The following SACS variants were observed in gnomAD, a reference collection of about 807,000 sequenced individuals.
SACS encodes sacsin molecular chaperone.
In SACS, 197 loss-of-function variants were observed where a neutral mutation model predicts 348.0. The observed-to-expected ratio is 0.57, with a 90% CI of 0.50 to 0.64. SACS has a LOEUF of 0.64. Among genes scored for constraint, SACS ranks in the 30% least tolerant of loss-of-function variants. The pLI, the probability that SACS is intolerant of heterozygous loss-of-function variation, is 0.00. For missense variants in SACS, 4,999 were observed against 5,360.8 expected, an observed-to-expected ratio of 0.93 and a Z score of 2.11; for synonymous variants, 1,985 against 1,910.6, an observed-to-expected ratio of 1.04 and a Z score of -1.02.
intron 2 of SACS, 99 bp from the exon 3 acceptor site, chr13:23,375,368 C>T: frequency 7.9e-7 from 1 of 1,258,574 alleles, no homozygotes; most frequent in Non-Finnish European, 1.0e-6. Context: ...CACATCGCGG[C>T]GCGGCAGGCG....
rs754572049 is a variant in SACS, at chr13:23,337,887, A to T, written c.5989T>A (p.Ser1997Thr). The change falls in exon 10 of 10, where the codon TCT becomes ACT. Residue 1997 changes from serine to threonine, a missense_variant. By Grantham distance (58) the Ser-to-Thr change is moderately conservative. Coordinates refer to ENST00000382292, the MANE Select transcript of SACS (RefSeq NM_014363.6). ...CCAACATCTCTTCTTTTAAGTATAGAGTCATCTAGAAATCTTACGTTCTTC... is the reference window on the plus strand; with the variant it reads ...CCAACATCTCTTCTTTTAAGTATAGTGTCATCTAGAAATCTTACGTTCTTC... ...SMKNVRFLDD[S>T]ILKRRDVGSA... 1.9e-6 allele frequency: 3 copies of T among 1,613,898 alleles called. No individual in the cohort carries two copies. The South Asian group carries it at 3.3e-5, about 18-fold the overall frequency.
Position 23,385,427 on chromosome 13 carries a change from C to T in SACS, c.21-10158G>A, listed in dbSNP as rs113245181. 4.8e-3 allele frequency among the ~76,000 whole-genome samples: 722 copies of T among 151,384 alleles called. 9 individuals are homozygous for T. The highest frequency in any genetic ancestry group is 0.016 in the African/African-American group (666 of 41,228). On this transcript the variant is annotated intron_variant, in intron 2 of 9. Coordinates refer to ENST00000382292, the MANE Select transcript of SACS (RefSeq NM_014363.6). ...CAGGCTGGAGTGCAAGGGTGTGATC[C>T]TGGCTCACTGCAACTTCCGCTTCCT...
chr13:23,407,770 G>A (rs978473980), intron 2 of SACS, among the ~76,000 whole-genome samples: 37 of 152,122 alleles, frequency 2.4e-4, no homozygotes, highest in African/African-American at 8.7e-4. Flanking sequence ...TCCTGCCTTT[G>A]ACCTGCCTAG....
Position 23,338,288 on chromosome 13 carries a change from A to G in SACS, c.5588T>C (p.Val1863Ala). 1.2e-6 allele frequency: 2 copies of G among 1,614,150 alleles called. No individual in the cohort carries two copies. The highest frequency in any genetic ancestry group is 1.7e-6 in the Non-Finnish European group (2 of 1,180,000). ...AAACACCTCTCCAATGTGTGGTTTCACTGTCCACTTCTGGTCCTGGATTTC... is the reference window on the plus strand; with the variant it reads ...AAACACCTCTCCAATGTGTGGTTTCGCTGTCCACTTCTGGTCCTGGATTTC... The part of the protein sequence containing the change: ...LSEIQDQKWT[V>A]KPHIGEVFCY... The change falls in exon 10 of 10, where the codon GTG (valine) becomes GCG (alanine). Residue 1863 changes from valine to alanine, a missense_variant. This residue lies in a region of SACS where 3,156 missense variants were observed against 3,380.1 expected (regional missense o/e 0.93). Transcript: ENST00000382292.
chr13:23,411,206 A>G lies in SACS; in HGVS notation c.20+14T>C, dbSNP rs1873465494. On this transcript the variant is annotated intron_variant, in intron 2 of 9. Transcript: ENST00000382292. ...AATGCAAATTATTGTCATTTAAAAC[A>G]TTAACTCATTTACCTGTTCTCCTTG... The G allele has an allele frequency of 6.3e-7, 1 of 1,599,700 alleles. No homozygotes were observed. Among genetic ancestry groups the G allele is most frequent in the Admixed American group, 1.7e-5 (1 of 59,952 alleles).
chr13:23,422,710 G>A (rs1874004270), intron 1 of SACS, among the ~76,000 whole-genome samples: 1 of 151,334 alleles, frequency 6.6e-6, no homozygotes, highest in African/African-American at 2.4e-5. Context: ...CCAGGCTGGA[G>A]TGCAGTGGCA....
chr13:23,364,839 C>T (rs758968314), intron 6 of SACS, among the ~76,000 whole-genome samples: 16 of 152,148 alleles, frequency 1.1e-4, no homozygotes, highest in Non-Finnish European at 1.5e-4. Flanking sequence ...AACATCTTTC[C>T]AAATGCAGGA....
At position 23,353,811 on chromosome 13, in the gene SACS, G is replaced by A. The variant is rs1424253383; in HGVS notation, c.2159C>T (p.Ala720Val). The change falls in exon 9 of 10, where the codon GCT becomes GTT. Residue 720 changes from alanine (A) to valine (V), a missense_variant. Ala to Val is a moderately conservative substitution (Grantham distance 64). This residue lies in a region of SACS where 3,156 missense variants were observed against 3,380.1 expected (regional missense o/e 0.93). Coordinates refer to ENST00000382292, the MANE Select transcript of SACS (RefSeq NM_014363.6). ...TCGGGTTTGGGCAGCTTCCTTTAAA[G>A]CAGCCACAAGGTGAGGTTTCAAGTT... ...LDNLKPHLVA[A>V]LKEAAQTRGR... The A allele has an allele frequency of 6.2e-7, 1 of 1,608,792 alleles. No homozygotes were observed. The highest frequency in any genetic ancestry group is 8.5e-7 in the Non-Finnish European group (1 of 1,175,530).
chr13:23,374,880 A>C (rs1184230871), intron 3 of SACS, among the ~76,000 whole-genome samples: 2 of 152,262 alleles, frequency 1.3e-5, no homozygotes, highest in Non-Finnish European at 2.9e-5. Context: ...CCACCAAAAA[A>C]AATCTCTGAA....
chr13:23,341,334 C>A lies in SACS; in HGVS notation c.2542G>T (p.Gly848Ter). ...TCTAATTTTTTAAGGACAAACCCTC[C>A]AAGTTTTTGTACAATGTCTGCTAAA... is the stretch of plus-strand genomic sequence containing the variant. ...EFLADIVQKL[G>*]GFVLKKLDAS... The change falls in exon 10 of 10, where the codon GGA becomes TGA. Residue 848 changes from glycine (G) to a stop codon, truncating the protein, a stop_gained. Coordinates refer to ENST00000382292, the MANE Select transcript of SACS (RefSeq NM_014363.6). LOFTEE classifies it high-confidence loss of function. 2 of 1,605,116 alleles carry A rather than the reference C, an allele frequency of 1.2e-6. No individual in the cohort carries two copies. Among genetic ancestry groups the A allele is most frequent in the Non-Finnish European group, 1.7e-6 (2 of 1,175,248 alleles).
At chr13:23,399,765 CTT>C (rs1328225097) in intron 2 of SACS, among the ~76,000 whole-genome samples, 1 of 152,054 alleles carries the variant, frequency 6.6e-6, no homozygotes, top group African/African-American at 2.4e-5. Context: ...ACTCTGAGCT[CTT>C]GTTTCTAACA....
chr13:23,337,460 T>G lies in SACS; in HGVS notation c.6416A>C (p.Tyr2139Ser). 1 of 1,613,244 alleles carries G rather than the reference T, an allele frequency of 6.2e-7. No individual in the cohort carries two copies. Among genetic ancestry groups the G allele is most frequent in the African/African-American group, 1.3e-5 (1 of 74,984 alleles). Residue 2139 changes from tyrosine to serine, a missense_variant, in exon 10 of 10, where the codon TAT becomes TCT. By Grantham distance (144) the Tyr-to-Ser change is moderately radical. Transcript: ENST00000382292. ...TTTAATCAAAATAATAGGATTGAGATAATCCTGAGTAGAACCATAAGGGAA... is the reference window on the plus strand; with the variant it reads ...TTTAATCAAAATAATAGGATTGAGAGAATCCTGAGTAGAACCATAAGGGAA... ...GRFPYGSTQDYLNPIILIKLV... is the reference protein window; with the variant it reads ...GRFPYGSTQDSLNPIILIKLV...
In SACS at chr13:23,333,072, G is replaced by GT. The variant is rs1294171908; in HGVS notation, c.10803dup (p.Gln3602ThrfsTer4). ...CTCACACTGATTTCCTTAGCAAACT[G>GT]TAACAACTGCTGCTGAGAAAGTATG... On this transcript the variant is annotated frameshift_variant, in exon 10 of 10. Transcript: ENST00000382292. LOFTEE classifies it high-confidence loss of function. 6.2e-7 allele frequency: 1 copy of GT among 1,613,802 alleles called. No homozygotes were observed. The highest frequency in any genetic ancestry group is 8.5e-7 in the Non-Finnish European group (1 of 1,179,874).
chr13:23,426,511 G>A (rs138565420), intron 1 of SACS, among the ~76,000 whole-genome samples: 187 of 152,192 alleles, frequency 1.2e-3, no homozygotes, highest in African/African-American at 4.4e-3. Flanking sequence ...ATGATGGTGG[G>A]TGCCTGTAAT....
chr13:23,370,792 G>C (rs978811498), intron 4 of SACS, among the ~76,000 whole-genome samples: 1 of 152,110 alleles, frequency 6.6e-6, no homozygotes, highest in African/African-American at 2.4e-5. Context: ...GTAAAACCCT[G>C]TCTATACTAA....
intron 9 of SACS, among the ~76,000 whole-genome samples, chr13:23,344,405 T>C (rs4769265): frequency 0.063 from 9,597 of 151,824 alleles, 424 homozygotes; most frequent in Non-Finnish European, 0.097. Context: ...ACACACACAC[T>C]ACATATAGCA....
At chr13:23,432,966 A>C (rs1166054350) in intron 1 of SACS, among the ~76,000 whole-genome samples, 2 of 152,202 alleles carry the variant, frequency 1.3e-5, no homozygotes, top group African/African-American at 4.8e-5. Flanking sequence ...AGCGAGAGAG[A>C]GGTTTTGTTG....
Position 23,329,780 on chromosome 13 carries a change from T to C in SACS, c.*356A>G, listed in dbSNP as rs1476790795. 3 of 468,370 alleles carry C rather than the reference T, an allele frequency of 6.4e-6. No individual in the cohort carries two copies. The highest frequency in any genetic ancestry group is 1.1e-5 in the Non-Finnish European group (3 of 266,320). 29.0% of individuals were successfully genotyped at this position (468,370 alleles called of 1,614,324 possible). A position where few individuals can be genotyped will look rare whatever the true frequency, so the allele number is the denominator to read the frequency against. ...AGTGTTTCATTAGCTCCTTCAAAAA[T>C]ACCATGTTAAAAACATAAAATTAAC... On this transcript the variant is annotated 3_prime_UTR_variant, in exon 10 of 10. Coordinates refer to ENST00000382292, the MANE Select transcript of SACS (RefSeq NM_014363.6).
At chr13:23,349,088 G>T (rs1253772655) in intron 9 of SACS, among the ~76,000 whole-genome samples, 1 of 152,252 alleles carries the variant, frequency 6.6e-6, no homozygotes, top group African/African-American at 2.4e-5. Flanking sequence ...TATCCTGATA[G>T]ATTCAATGTC....
Sources: allele counts gnomAD v4.1 joint callset (sites outside exome capture counted in the v4.1 genomes callset), GRCh38; gene constraint gnomAD v4.1.1; regional missense constraint gnomAD v4.1.1; transcripts MANE v1.5; gene names NCBI Gene and HGNC (gene_info 2026-07-23, HGNC 2026-07-21).